Variants in MSRA observed in about 807,000 individuals in gnomAD.
MSRA encodes the protein mitochondrial peptide methionine sulfoxide reductase.
MSRA carries 54 observed loss-of-function variants against 31.3 expected under a neutral mutation model. The observed-to-expected ratio is 1.73, with a 90% CI of 1.39 to 2.17. The LOEUF (loss-of-function observed/expected upper bound fraction) is 2.17, where lower values mean the gene tolerates loss of function less well. Ranked by LOEUF, MSRA falls within the 30% of genes most tolerant of loss-of-function variation. MSRA has a pLI of 0.00. For missense variants in MSRA, 507 were observed against 300.9 expected (o/e 1.69, Z -5.07); for synonymous variants, 169 against 116.5 (o/e 1.45, Z -2.90).
chr8:10,136,586 G>A (rs1256917681), intron 1 of MSRA, among the ~76,000 whole-genome samples: 1 of 152,160 alleles, frequency 6.6e-6, no homozygotes, highest in East Asian at 1.9e-4. Flanking sequence ...CACAAGTGTG[G>A]GCCTGTACAT....
At chr8:10,192,621 G>A (rs755731714) in intron 1 of MSRA, among the ~76,000 whole-genome samples, 13 of 152,226 alleles carry the variant, frequency 8.5e-5, no homozygotes, top group Non-Finnish European at 1.9e-4. Flanking sequence ...TCTATAGTTA[G>A]TAGCTGAAAG....
At chr8:10,243,351 G>A (rs932711103) in intron 2 of MSRA, among the ~76,000 whole-genome samples, 2 of 152,134 alleles carry the variant, frequency 1.3e-5, no homozygotes, top group Admixed American at 1.3e-4. Flanking sequence ...CTCACCTACA[G>A]CTTGTCCTTT....
intron 5 of MSRA, 45 bp from the exon 6 acceptor site, chr8:10,428,103 T>A (rs768986623): frequency 5.7e-6 from 9 of 1,582,670 alleles, no homozygotes; most frequent in Non-Finnish European, 7.7e-6. Flanking sequence ...GCAGGTGCTG[T>A]CTCTCTAGCA....
intron 5 of MSRA, among the ~76,000 whole-genome samples, chr8:10,387,889 A>T (rs944186388): frequency 2.0e-5 from 3 of 152,180 alleles, no homozygotes; most frequent in Admixed American, 1.3e-4. Flanking sequence ...TTTGGTTCTC[A>T]GGCAGCTTCT....
intron 1 of MSRA, among the ~76,000 whole-genome samples, chr8:10,197,754 C>T (rs1213666609): frequency 6.6e-6 from 1 of 152,156 alleles, no homozygotes; most frequent in Non-Finnish European, 1.5e-5. Flanking sequence ...AAGACAGGGA[C>T]AGTGACTTGG....
chr8:10,058,057 G>C (rs1239089608), intron 1 of MSRA, among the ~76,000 whole-genome samples: 2 of 152,166 alleles, frequency 1.3e-5, no homozygotes, highest in Non-Finnish European at 2.9e-5. Flanking sequence ...AAATAACTTT[G>C]ACAAGTTTGA....
At chr8:10,323,034 G>A in intron 5 of MSRA, among the ~76,000 whole-genome samples, 1 of 148,468 alleles carries the variant, frequency 6.7e-6, no homozygotes, top group South Asian at 2.1e-4. Context: ...AGGTTGCACT[G>A]AGCTGAGATT....
At chr8:10,283,160 A>ACTCTCTCTCTCTCTCT (rs71521648) in intron 3 of MSRA, among the ~76,000 whole-genome samples, 4 of 140,236 alleles carry the variant, frequency 2.9e-5, no homozygotes, top group East Asian at 2.0e-4. Flanking sequence ...ACACACACAC[A>ACTCTCTCTCTCTCTCT]CTCTCACCCT....
chr8:10,072,017 C>G (rs1285215499), intron 1 of MSRA, among the ~76,000 whole-genome samples: 1 of 152,108 alleles, frequency 6.6e-6, no homozygotes, highest in Non-Finnish European at 1.5e-5. Flanking sequence ...CCTACGAGCA[C>G]CCCTTTTGTA....
intron 1 of MSRA, among the ~76,000 whole-genome samples, chr8:10,092,915 C>G (rs191011511): frequency 6.6e-6 from 1 of 152,136 alleles, no homozygotes; most frequent in African/African-American, 2.4e-5. Context: ...GATGAATTAA[C>G]CCTGTTAGCA....
Position 10,054,546 on chromosome 8 carries a change from GCTCCTC to G in MSRA, c.38_43del (p.Leu13_Leu14del). The G allele has an allele frequency of 6.3e-7, 1 of 1,586,712 alleles. No individual in the cohort carries two copies. The highest frequency in any genetic ancestry group is 8.6e-7 in the Non-Finnish European group (1 of 1,167,006). ...TCTCGGCCACCCGGAGGGCTTGCCA[GCTCCTC>G]CTCCTCCACAGCCTCTTTCCCGTCC... On this transcript the variant is annotated inframe_deletion, in exon 1 of 6. Transcript: ENST00000317173.
intron 2 of MSRA, among the ~76,000 whole-genome samples, chr8:10,226,908 C>G (rs1450604405): frequency 6.6e-6 from 1 of 152,136 alleles, no homozygotes; most frequent in Non-Finnish European, 1.5e-5. Flanking sequence ...CTATTTAATC[C>G]TTTATCGTCA....
chr8:10,109,254 C>G (rs1422499732), intron 1 of MSRA, among the ~76,000 whole-genome samples: 2 of 152,070 alleles, frequency 1.3e-5, no homozygotes, highest in Non-Finnish European at 2.9e-5. Flanking sequence ...TTACCTAGTG[C>G]TTAATTTTAA....
At chr8:10,204,383 A>G (rs1398941232) in intron 1 of MSRA, among the ~76,000 whole-genome samples, 2 of 152,254 alleles carry the variant, frequency 1.3e-5, no homozygotes, top group African/African-American at 2.4e-5. Context: ...CAGTCCTGCA[A>G]GCTCCATTTG....
At chr8:10,250,427 T>A in intron 3 of MSRA, 1 of 701,978 alleles carries the variant, frequency 1.4e-6, no homozygotes, top group Non-Finnish European at 2.6e-6. Context: ...TTACAGATGT[T>A]CAGAACAATT....
intron 5 of MSRA, among the ~76,000 whole-genome samples, chr8:10,360,885 A>G (rs1324618793): frequency 6.6e-6 from 1 of 152,188 alleles, no homozygotes; most frequent in Non-Finnish European, 1.5e-5. Context: ...TGCCACTCCA[A>G]AAAGGCAAGA....
intron 2 of MSRA, among the ~76,000 whole-genome samples, chr8:10,232,100 C>T (rs1385730783): frequency 6.6e-6 from 1 of 152,076 alleles, no homozygotes; most frequent in African/African-American, 2.4e-5. Flanking sequence ...TTTCTAGGAT[C>T]CCAGGGGTGG....
intron 3 of MSRA, among the ~76,000 whole-genome samples, chr8:10,248,544 C>G (rs1426543776): frequency 1.3e-5 from 2 of 152,208 alleles, no homozygotes; most frequent in African/African-American, 4.8e-5. Context: ...TGGGTCTGCA[C>G]AGCCTCAACA....
At chr8:10,217,909 A>G (rs1186673432) in intron 2 of MSRA, among the ~76,000 whole-genome samples, 2 of 152,050 alleles carry the variant, frequency 1.3e-5, no homozygotes, top group Admixed American at 6.6e-5. Context: ...TTTCATCTGT[A>G]AGTTCACCCT....
Sources: gnomAD v4.1 joint callset for allele counts (sites outside exome capture counted in the v4.1 genomes callset) on GRCh38, gnomAD v4.1.1 for gene constraint, MANE v1.5 for transcripts, NCBI Gene and HGNC (gene_info 2026-07-23, HGNC 2026-07-21) for gene names.